Variants in SLC9B1 observed in about 807,000 individuals in gnomAD.
The protein encoded by SLC9B1 is sodium/hydrogen exchanger 9B1.
Under a neutral mutation model 51.7 loss-of-function variants are expected in SLC9B1, and 32 were observed. That is an observed-to-expected ratio of 0.62 (90% CI 0.47 to 0.83). SLC9B1 has a LOEUF of 0.83. SLC9B1 is among the 40% of genes least tolerant of loss of function. SLC9B1 has a pLI of 0.00. For missense variants in SLC9B1, 406 were observed against 613.2 expected, an observed-to-expected ratio of 0.66 and a Z score of 3.57; for synonymous variants, 145 against 212.7, an observed-to-expected ratio of 0.68 and a Z score of 2.77.
At chr4:102,962,318 T>G in intron 3 of SLC9B1, 1 of 539,610 alleles carries the variant, frequency 1.9e-6, no homozygotes, top group Non-Finnish European at 3.8e-6. Context: ...GTGGTCAATA[T>G]GACTGGAATC....
intron 11 of SLC9B1, chr4:102,890,726 G>T (rs1734200070): frequency 6.6e-6 from 1 of 151,534 alleles, no homozygotes; most frequent in Non-Finnish European, 1.5e-5. Context: ...AGTAGTCCCA[G>T]TTACTCGGGA....
At chr4:102,967,739 C>T (rs376433774) in intron 3 of SLC9B1, among the ~76,000 whole-genome samples, 1 of 152,136 alleles carries the variant, frequency 6.6e-6, no homozygotes, top group Non-Finnish European at 1.5e-5. Context: ...TTAGGCCCCA[C>T]CTCTTAAGCA....
At chr4:102,979,483 T>C (rs985591770) in intron 3 of SLC9B1, among the ~76,000 whole-genome samples, 2 of 152,198 alleles carry the variant, frequency 1.3e-5, no homozygotes, top group Non-Finnish European at 2.9e-5. Flanking sequence ...TTGAGGCAAG[T>C]CCTTCCTCAT....
At chr4:103,003,082 G>T (rs184884378) in intron 1 of SLC9B1, among the ~76,000 whole-genome samples, 31 of 151,950 alleles carry the variant, frequency 2.0e-4, no homozygotes, top group Non-Finnish European at 4.0e-4. Context: ...ACCTTATTTT[G>T]ATCCCTTTCC....
chr4:102,913,721 A>G (rs1027789589), intron 7 of SLC9B1, among the ~76,000 whole-genome samples: 1 of 151,820 alleles, frequency 6.6e-6, no homozygotes, highest in Non-Finnish European at 1.5e-5. Context: ...CCCAGTGACA[A>G]CAGAAATAGA....
At chr4:103,009,055 C>T (rs1310301524) in intron 1 of SLC9B1, among the ~76,000 whole-genome samples, 1 of 152,158 alleles carries the variant, frequency 6.6e-6, no homozygotes, top group Admixed American at 6.5e-5. Flanking sequence ...ACCTTGGCCT[C>T]CCAAAGTACT....
chr4:102,989,224 T>C (rs771467501), intron 3 of SLC9B1, among the ~76,000 whole-genome samples: 4 of 152,028 alleles, frequency 2.6e-5, no homozygotes, highest in Non-Finnish European at 5.9e-5. Flanking sequence ...CAATTTTTTG[T>C]TCTCTATAGG....
exon 12 of SLC9B1, chr4:102,885,103 A>G: frequency 2.3e-6 from 2 of 863,144 alleles, no homozygotes; most frequent in South Asian, 2.8e-5. Context: ...GGATCCATTA[A>G]AAAGGAATTA....
chr4:102,889,539 T>C (rs1336410623), intron 11 of SLC9B1: 2 of 152,290 alleles, frequency 1.3e-5, no homozygotes, highest in East Asian at 3.8e-4. Context: ...TGACCAACTT[T>C]GAATTTTGTC....
intron 3 of SLC9B1, among the ~76,000 whole-genome samples, chr4:102,977,297 T>TAAAAAAA: frequency 7.7e-6 from 1 of 129,320 alleles, no homozygotes; most frequent in Non-Finnish European, 1.7e-5. Context: ...TATTATAACT[T>TAAAAAAA]AAAAAAAAAA....
chr4:102,976,270 C>CT (rs1258082385), intron 3 of SLC9B1, among the ~76,000 whole-genome samples: 1 of 150,732 alleles, frequency 6.6e-6, no homozygotes, highest in Non-Finnish European at 1.5e-5. Context: ...ATAACATTTA[C>CT]TAGCCTACGT....
chr4:103,019,417 C>T (rs1018080358), intron 1 of SLC9B1, among the ~76,000 whole-genome samples, 182 bp downstream of exon 1: 7 of 152,090 alleles, frequency 4.6e-5, no homozygotes, highest in African/African-American at 1.2e-4. Flanking sequence ...AAAGGAGTCA[C>T]GGAGAGGAGA....
intron 3 of SLC9B1, among the ~76,000 whole-genome samples, chr4:102,969,842 AC>A (rs1262015592): frequency 6.6e-6 from 1 of 152,220 alleles, no homozygotes; most frequent in Non-Finnish European, 1.5e-5. Flanking sequence ...CATGACGCAT[AC>A]ACAAGCTTCC....
intron 4 of SLC9B1, among the ~76,000 whole-genome samples, chr4:102,948,539 T>C (rs1274374849): frequency 6.6e-6 from 1 of 152,220 alleles, no homozygotes; most frequent in Non-Finnish European, 1.5e-5. Context: ...ATATGTTCAT[T>C]GTAGCACTAT....
At chr4:103,011,341 C>T (rs979196263) in intron 1 of SLC9B1, among the ~76,000 whole-genome samples, 1 of 152,192 alleles carries the variant, frequency 6.6e-6, no homozygotes, top group African/African-American at 2.4e-5. Flanking sequence ...CTCCTGGGAG[C>T]CTTGCCTGCA....
intron 6 of SLC9B1, among the ~76,000 whole-genome samples, chr4:102,932,898 G>C (rs954497298): frequency 6.6e-6 from 1 of 152,164 alleles, no homozygotes; most frequent in Non-Finnish European, 1.5e-5. Flanking sequence ...AGGAAGGAAG[G>C]AACAGAGTTG....
intron 3 of SLC9B1, among the ~76,000 whole-genome samples, chr4:102,950,576 G>GA (rs1737497124): frequency 6.6e-6 from 1 of 152,150 alleles, no homozygotes; most frequent in African/African-American, 2.4e-5. Context: ...ATTTGCCAGG[G>GA]TAAAAGAGGA....
intron 7 of SLC9B1, among the ~76,000 whole-genome samples, chr4:102,916,044 C>T (rs72935593): frequency 0.028 from 4,229 of 152,134 alleles, 184 homozygotes; most frequent in African/African-American, 0.092. Context: ...AAAATAGCTG[C>T]AAGACATACA....
At chr4:102,997,840 G>A (rs1379910309) in intron 1 of SLC9B1, among the ~76,000 whole-genome samples, 1 of 152,016 alleles carries the variant, frequency 6.6e-6, no homozygotes. Flanking sequence ...ATATAGGTTA[G>A]AGTTTATTTT....
Sources: allele counts gnomAD v4.1 joint callset (sites outside exome capture counted in the v4.1 genomes callset), GRCh38; gene constraint gnomAD v4.1.1; transcripts MANE v1.5; gene names NCBI Gene and HGNC (gene_info 2026-07-23, HGNC 2026-07-21).